Variants in SEC63 observed in about 807,000 individuals in gnomAD.
SEC63 encodes the protein translocation protein SEC63 homolog.
Under a neutral mutation model 116.2 loss-of-function variants are expected in SEC63, and 56 were observed. The observed-to-expected ratio is 0.48, with a 90% CI of 0.39 to 0.60. SEC63 has a LOEUF of 0.60. Ranked by LOEUF, SEC63 falls within the 20% of genes least tolerant of loss-of-function variation. The pLI is 0.00. For synonymous variants in SEC63, 273 were observed against 294.6 expected, an observed-to-expected ratio of 0.93 and a Z score of 0.75; for missense variants, 668 against 900.0, an observed-to-expected ratio of 0.74 and a Z score of 3.30.
intron 19 of SEC63, among the ~76,000 whole-genome samples, chr6:107,875,898 T>G (rs1786252329): frequency 6.6e-6 from 1 of 152,164 alleles, no homozygotes; most frequent in South Asian, 2.1e-4. Flanking sequence ...GCCCATCAAT[T>G]CGACCTCTAT....
intron 3 of SEC63, among the ~76,000 whole-genome samples, chr6:107,923,692 ATTT>A (rs34366728): frequency 2.2e-5 from 3 of 139,116 alleles, no homozygotes; most frequent in African/African-American, 2.8e-5. Flanking sequence ...CACCCAGGTA[ATTT>A]TTTTTTTTTT....
At chr6:107,890,259 G>T (rs1486684626) in intron 16 of SEC63, among the ~76,000 whole-genome samples, 1 of 152,110 alleles carries the variant, frequency 6.6e-6, no homozygotes, top group African/African-American at 2.4e-5. Context: ...CTCCTGTATT[G>T]GGTGCATATA....
chr6:107,902,288 C>G (rs927209858), intron 12 of SEC63, among the ~76,000 whole-genome samples: 1 of 151,484 alleles, frequency 6.6e-6, no homozygotes, highest in African/African-American at 2.4e-5. Flanking sequence ...AATCCAATGT[C>G]TATTCTCTGC....
intron 1 of SEC63, among the ~76,000 whole-genome samples, chr6:107,935,596 GCTCGTTAAGAGTCATCACA>G (rs1261481380): frequency 4.0e-5 from 2 of 49,862 alleles, no homozygotes; most frequent in East Asian, 3.5e-4. Flanking sequence ...AAGGCAGCAT[GCTCGTTAAGAGTCATCACA>G]CTCCCTAATC....
chr6:107,929,136 T>C (rs1451233275), intron 2 of SEC63, among the ~76,000 whole-genome samples: 2 of 152,234 alleles, frequency 1.3e-5, no homozygotes, highest in Non-Finnish European at 2.9e-5. Flanking sequence ...CCATAGTCTT[T>C]AAGATAAAAT....
At chr6:107,916,231 A>C (rs762210006) in intron 4 of SEC63, among the ~76,000 whole-genome samples, 19 of 152,254 alleles carry the variant, frequency 1.2e-4, no homozygotes, top group Non-Finnish European at 1.2e-4. Context: ...ACAGCAATCA[A>C]GGCATACCAA....
intron 19 of SEC63, among the ~76,000 whole-genome samples, chr6:107,875,813 T>G (rs1786250168): frequency 6.6e-6 from 1 of 152,210 alleles, no homozygotes; most frequent in Admixed American, 6.5e-5. Context: ...TAGGCATATT[T>G]AGACATTCAT....
chr6:107,953,750 GT>G (rs1387302865), intron 1 of SEC63, among the ~76,000 whole-genome samples: 4 of 139,716 alleles, frequency 2.9e-5, no homozygotes, highest in South Asian at 2.3e-4. Context: ...GAGGTGGGGG[GT>G]TCAGCCCCCC....
intron 16 of SEC63, among the ~76,000 whole-genome samples, chr6:107,885,157 T>C (rs1451093366): frequency 1.3e-5 from 2 of 152,088 alleles, no homozygotes; most frequent in African/African-American, 4.8e-5. Context: ...CTGACAGTTC[T>C]AGCCAGCACA....
At chr6:107,942,940 T>C (rs961331348) in intron 1 of SEC63, among the ~76,000 whole-genome samples, 1 of 152,238 alleles carries the variant, frequency 6.6e-6, no homozygotes, top group African/African-American at 2.4e-5. Flanking sequence ...TTTCTGGTAT[T>C]ATCATGACTT....
chr6:107,921,507 A>G (rs1185465343), intron 4 of SEC63, among the ~76,000 whole-genome samples: 1 of 151,196 alleles, frequency 6.6e-6, no homozygotes, highest in Non-Finnish European at 1.5e-5. Flanking sequence ...GTTGGGCTGC[A>G]GTGGCATGGT....
intron 1 of SEC63, chr6:107,930,223 C>A (rs565317361): frequency 9.6e-6 from 1 of 104,574 alleles, no homozygotes; most frequent in African/African-American, 3.7e-5. Flanking sequence ...TGCTATGTTG[C>A]CAAGGCTGGT....
At chr6:107,911,425 C>T (rs1372637684) in intron 6 of SEC63, 29 bp from the exon 7 acceptor site, 86 of 1,483,858 alleles carry the variant, frequency 5.8e-5, no homozygotes, top group Non-Finnish European at 7.9e-5. Flanking sequence ...AGAATTATGG[C>T]CTTCGTCAGG....
In SEC63 at chr6:107,868,177, G is replaced by A. The variant is rs1043390555; in HGVS notation, c.*3527C>T. On this transcript the variant is annotated 3_prime_UTR_variant, in exon 21 of 21. Coordinates refer to ENST00000369002, the MANE Select transcript of SEC63 (RefSeq NM_007214.5). ...TTCACTTTAAGGCAGTCTAAATAGAGGATTTCATGGAGTTAAATCAGACCG... is the reference window on the plus strand; with the variant it reads ...TTCACTTTAAGGCAGTCTAAATAGAAGATTTCATGGAGTTAAATCAGACCG... 6.6e-6 allele frequency: 1 copy of A among 151,448 alleles called. No homozygotes were observed. Among genetic ancestry groups the A allele is most frequent in the Non-Finnish European group, 1.5e-5 (1 of 67,948 alleles). The allele number at this position is 151,448 out of a possible 1,614,324, so 9.4% of individuals were successfully genotyped here.
intron 12 of SEC63, among the ~76,000 whole-genome samples, chr6:107,902,510 A>G (rs1369446057): frequency 1.3e-5 from 2 of 152,174 alleles, no homozygotes; most frequent in Non-Finnish European, 2.9e-5. Context: ...CTTAACCAGT[A>G]AACAATTGCC....
intron 1 of SEC63, among the ~76,000 whole-genome samples, chr6:107,940,305 A>G (rs1297972169): frequency 6.6e-6 from 1 of 152,232 alleles, no homozygotes; most frequent in East Asian, 1.9e-4. Flanking sequence ...AAATAAATCA[A>G]GAGCTTTGTC....
Position 107,924,800 on chromosome 6 carries a change from T to C in SEC63, c.339+18A>G, listed in dbSNP as rs778182757. 4 of 1,148,882 alleles carry C rather than the reference T, an allele frequency of 3.5e-6. No individual in the cohort carries two copies. The highest frequency in any genetic ancestry group is 2.3e-5 in the East Asian group (1 of 42,658). 71.2% of individuals were successfully genotyped at this position (1,148,882 alleles called of 1,614,324 possible). A position where few individuals can be genotyped will look rare whatever the true frequency, so the allele number is the denominator to read the frequency against. On this transcript the variant is annotated intron_variant, in intron 3 of 20. Transcript: ENST00000369002. Reference sequence around the variant, plus strand: ...GGGACCATTAAACTAATATGCATTATATAAAAATACTACTTACAGGATCCA... The same window carrying C: ...GGGACCATTAAACTAATATGCATTACATAAAAATACTACTTACAGGATCCA...
At chr6:107,927,987 G>A (rs746295938) in intron 2 of SEC63, among the ~76,000 whole-genome samples, 14 of 152,006 alleles carry the variant, frequency 9.2e-5, no homozygotes, top group Non-Finnish European at 1.8e-4. Context: ...CTTCCCACTT[G>A]GAACCCGCAG....
intron 1 of SEC63, among the ~76,000 whole-genome samples, chr6:107,945,807 TAAGAA>T (rs1583777943): frequency 6.6e-6 from 1 of 152,148 alleles, no homozygotes; most frequent in African/African-American, 2.4e-5. Flanking sequence ...AACAGGCATC[TAAGAA>T]AAGAAAATAA....
Sources: allele counts gnomAD v4.1 joint callset (sites outside exome capture counted in the v4.1 genomes callset), GRCh38; gene constraint gnomAD v4.1.1; transcripts MANE v1.5; gene names NCBI Gene and HGNC (gene_info 2026-07-23, HGNC 2026-07-21).